Variants in CTNNA2 observed in about 807,000 individuals in gnomAD.
CTNNA2 encodes catenin alpha 2.
A neutral mutation model predicts 101.0 loss-of-function variants in CTNNA2; 42 were observed. That is an observed-to-expected ratio of 0.42 (90% CI 0.32 to 0.54). The LOEUF (loss-of-function observed/expected upper bound fraction) is 0.54, where lower values mean the gene tolerates loss of function less well. Among genes scored for constraint, CTNNA2 ranks in the 20% least tolerant of loss-of-function variants. CTNNA2 has a pLI of 0.14. For missense variants in CTNNA2, 871 were observed against 1,223.1 expected (o/e 0.71, Z 4.29); for synonymous variants, 450 against 456.4 (o/e 0.99, Z 0.18).
intron 2 of CTNNA2, among the ~76,000 whole-genome samples, chr2:79,216,910 G>A (rs922699870): frequency 5.9e-5 from 9 of 152,148 alleles, no homozygotes; most frequent in East Asian, 1.9e-4. Context: ...CCTCTGAAAC[G>A]TGGGTAAATA....
At chr2:80,384,479 A>G (rs867723177) in intron 7 of CTNNA2, among the ~76,000 whole-genome samples, 3 of 152,122 alleles carry the variant, frequency 2.0e-5, no homozygotes, top group African/African-American at 7.2e-5. Flanking sequence ...AGTAAAATCT[A>G]AACAAGAATT....
intron 1 of CTNNA2, among the ~76,000 whole-genome samples, chr2:79,530,386 T>C (rs1412399076): frequency 6.6e-6 from 1 of 152,176 alleles, no homozygotes; most frequent in Non-Finnish European, 1.5e-5. Flanking sequence ...AAATAGTTTA[T>C]CGATAAAAAG....
At chr2:79,966,624 G>C (rs956804602) in intron 7 of CTNNA2, among the ~76,000 whole-genome samples, 1 of 152,072 alleles carries the variant, frequency 6.6e-6, no homozygotes, top group African/African-American at 2.4e-5. Flanking sequence ...AAGGAAAAAA[G>C]CTGGGAAGAA....
At chr2:79,931,437 C>T (rs762295273) in intron 7 of CTNNA2, among the ~76,000 whole-genome samples, 4 of 152,084 alleles carry the variant, frequency 2.6e-5, no homozygotes, top group Non-Finnish European at 5.9e-5. Context: ...TTTTTAGATT[C>T]CACATATAAG....
intron 3 of CTNNA2, among the ~76,000 whole-genome samples, 194 bp from the exon 4 acceptor site, chr2:79,857,819 G>T (rs962350278): frequency 9.8e-5 from 15 of 152,286 alleles, no homozygotes; most frequent in Non-Finnish European, 1.8e-4. Context: ...CACCTTGTTT[G>T]GTCCACAGCA....
At position 79,193,706 on chromosome 2, in the gene CTNNA2, C is replaced by T. The variant is rs926355821; in HGVS notation, c.-523-4253C>T. Among the ~76,000 whole-genome samples the T allele has an allele frequency of 5.9e-5, 9 of 152,160 alleles. No individual in the cohort carries two copies. In the East Asian group the frequency reaches 1.7e-3, roughly 29 times the overall value. On this transcript the variant is annotated intron_variant, in intron 1 of 21. Transcript: ENST00000466387. ...ATTATACAAATGTAGCTTCAAGAAACAAAGATATTTCATTCTAGAAGCAAT... is the reference window on the plus strand; with the variant it reads ...ATTATACAAATGTAGCTTCAAGAAATAAAGATATTTCATTCTAGAAGCAAT...
intron 4 of CTNNA2, among the ~76,000 whole-genome samples, chr2:79,488,313 C>T (rs1486234985): frequency 1.9e-5 from 2 of 102,876 alleles, no homozygotes; most frequent in Non-Finnish European, 3.9e-5. Context: ...AGTGAAACTC[C>T]ATCTCAAAAA....
chr2:79,319,007 G>A (rs141555963), intron 3 of CTNNA2, among the ~76,000 whole-genome samples: 3 of 152,102 alleles, frequency 2.0e-5, no homozygotes, highest in Non-Finnish European at 2.9e-5. Context: ...TTCTGGTGAC[G>A]GCTGAGGCTA....
At chr2:79,302,870 C>A (rs1676146206) in intron 2 of CTNNA2, among the ~76,000 whole-genome samples, 1 of 152,120 alleles carries the variant, frequency 6.6e-6, no homozygotes. Flanking sequence ...TTTACTTGAC[C>A]AATTTAATTT....
chr2:80,630,834 G>A (rs62152016), intron 18 of CTNNA2, among the ~76,000 whole-genome samples: 16,053 of 152,112 alleles, frequency 0.11, 1,447 homozygotes, highest in African/African-American at 0.25. Flanking sequence ...ATGATGATGA[G>A]TAACTCTGCC....
chr2:79,466,026 CGGACAGTGGGTGCA>C (rs1670930678), intron 4 of CTNNA2, among the ~76,000 whole-genome samples: 1 of 152,186 alleles, frequency 6.6e-6, no homozygotes, highest in South Asian at 2.1e-4. Context: ...TGGGGCTTGT[CGGACAGTGGGTGCA>C]GGACAGTGGG....
chr2:79,298,467 A>G (rs1002867408), intron 2 of CTNNA2, among the ~76,000 whole-genome samples: 9 of 152,100 alleles, frequency 5.9e-5, no homozygotes, highest in African/African-American at 2.2e-4. Context: ...CACCGCTACA[A>G]CATTTGCGCA....
chr2:79,621,521 G>A lies in CTNNA2; in HGVS notation c.-5-30031G>A, dbSNP rs113151831. Among the ~76,000 whole-genome samples, 1,001 of 152,240 alleles carry A rather than the reference G, an allele frequency of 6.6e-3. 3 individuals carry two copies. The highest frequency in any genetic ancestry group is 9.6e-3 in the Non-Finnish European group (652 of 68,014). On this transcript the variant is annotated intron_variant, in intron 1 of 18. Transcript: ENST00000402739. The stretch of plus-strand genomic sequence containing the variant: ...AAAGCTGGGACAATTTGAGCAATAC[G>A]ATACAGTAGTATTGGATTATAGCCC...
intron 1 of CTNNA2, among the ~76,000 whole-genome samples, chr2:79,188,932 C>A (rs543434683): frequency 2.0e-5 from 3 of 152,258 alleles, no homozygotes; most frequent in Admixed American, 6.5e-5. Flanking sequence ...ATCACTAGTG[C>A]AGAGATGAAC....
At chr2:80,433,636 C>A (rs1681752857) in intron 9 of CTNNA2, among the ~76,000 whole-genome samples, 1 of 152,078 alleles carries the variant, frequency 6.6e-6, no homozygotes, top group Non-Finnish European at 1.5e-5. Flanking sequence ...CTTCCTGATG[C>A]AGCTCTAATT....
chr2:80,165,150 C>T (rs1349953168), intron 7 of CTNNA2, among the ~76,000 whole-genome samples: 6 of 151,944 alleles, frequency 3.9e-5, no homozygotes, highest in Non-Finnish European at 2.9e-5. Flanking sequence ...TGCTTTTTCT[C>T]TTCTCCTTCA....
intron 7 of CTNNA2, chr2:80,162,464 C>T (rs189678763): frequency 1.3e-4 from 200 of 1,596,856 alleles, no homozygotes; most frequent in Admixed American, 1.2e-3. Context: ...TCGAGATGAG[C>T]GCCATTTTCC....
intron 9 of CTNNA2, among the ~76,000 whole-genome samples, chr2:80,508,674 C>CA (rs34023586): frequency 0.032 from 3,533 of 110,292 alleles, 46 homozygotes; most frequent in African/African-American, 0.043. Context: ...GGGATTTATG[C>CA]AAAAAAAAAA....
At chr2:80,425,507 A>G (rs536364038) in intron 9 of CTNNA2, among the ~76,000 whole-genome samples, 8 of 152,232 alleles carry the variant, frequency 5.3e-5, no homozygotes, top group Non-Finnish European at 1.0e-4. Flanking sequence ...CCCATTAAGC[A>G]CAACCTTCCA....
Sources: gnomAD v4.1 joint callset for allele counts (sites outside exome capture counted in the v4.1 genomes callset) on GRCh38, gnomAD v4.1.1 for gene constraint, MANE v1.5 for transcripts, NCBI Gene and HGNC (gene_info 2026-07-23, HGNC 2026-07-21) for gene names.